The following KIAA0586 variants were observed in gnomAD, a reference collection of about 807,000 sequenced individuals.
The protein encoded by KIAA0586 is protein TALPID3.
A neutral mutation model predicts 169.8 loss-of-function variants in KIAA0586; 144 were observed. The ratio of observed to expected loss-of-function variants is 0.85; its 90% confidence interval spans 0.74 to 0.97. KIAA0586 has a LOEUF of 0.97. Ranked by LOEUF, KIAA0586 falls within the 50% of genes least tolerant of loss-of-function variation. KIAA0586 has a pLI of 0.00. For synonymous variants in KIAA0586, 625 were observed against 612.4 expected (o/e 1.02, Z -0.30); for missense variants, 1,854 against 1,823.0 (o/e 1.02, Z -0.31).
chr14:58,483,648 G>C (rs1207502542), intron 21 of KIAA0586, among the ~76,000 whole-genome samples: 4 of 152,002 alleles, frequency 2.6e-5, no homozygotes, highest in African/African-American at 9.7e-5. Flanking sequence ...ATCTTTAAAA[G>C]AAAATACATT....
In KIAA0586 at chr14:58,453,227, A is replaced by G. The variant is rs542751999; in HGVS notation, c.1130-123A>G. The G allele has an allele frequency of 3.1e-5, 16 of 516,238 alleles. No homozygotes were observed. In the South Asian group the frequency reaches 4.1e-4, roughly 13 times the overall value. The allele number at this position is 516,238 out of a possible 1,614,324, so 32.0% of individuals were successfully genotyped here. A position where few individuals can be genotyped will look rare whatever the true frequency, so the allele number is the denominator to read the frequency against. On this transcript the variant is annotated intron_variant, in intron 8 of 30. Transcript: ENST00000652326. ...AGCCACTGCGCCTGGCTTTTAGGCT[A>G]TAAATTGAGTAGATAATCATCATAA...
chr14:58,427,809 G>T lies in KIAA0586; in HGVS notation c.-456G>T. On this transcript the variant is annotated 5_prime_UTR_variant, in exon 1 of 31. Transcript: ENST00000652326. The stretch of plus-strand genomic sequence containing the variant: ...TTTATGTTTCCGACGATTGCATCTG[G>T]AGGGGTGTGTAAGACTCTGTGGCTG... 6.7e-7 allele frequency: 1 copy of T among 1,500,482 alleles called. No homozygotes were observed. Among genetic ancestry groups the T allele is most frequent in the Non-Finnish European group, 8.9e-7 (1 of 1,129,340 alleles). 92.9% of individuals were successfully genotyped at this position (1,500,482 alleles called of 1,614,324 possible).
chr14:58,543,813 CCCGT>C, intron 30 of KIAA0586: 1 of 429,208 alleles, frequency 2.3e-6, no homozygotes, highest in East Asian at 7.1e-5. Flanking sequence ...AGATCCGTCT[CCCGT>C]CTCTCTATTT....
chr14:58,499,703 C>A (rs954321585), intron 27 of KIAA0586, among the ~76,000 whole-genome samples: 1 of 151,960 alleles, frequency 6.6e-6, no homozygotes, highest in South Asian at 2.1e-4. Flanking sequence ...GGATTACAGG[C>A]GCCTGCCACC....
intron 6 of KIAA0586, among the ~76,000 whole-genome samples, chr14:58,445,783 C>CTTTTT (rs34119416): frequency 1.6e-5 from 2 of 124,774 alleles, no homozygotes; most frequent in Non-Finnish European, 3.2e-5. Context: ...TCAGTAAACT[C>CTTTTT]TTTTTTTTTT....
intron 29 of KIAA0586, among the ~76,000 whole-genome samples, chr14:58,527,402 G>A (rs1352708815): frequency 1.3e-5 from 2 of 152,094 alleles, no homozygotes; most frequent in Admixed American, 6.5e-5. Context: ...ACACATAATC[G>A]TCAGATTCAA....
At chr14:58,477,536 T>A (rs2041733170) in intron 20 of KIAA0586, among the ~76,000 whole-genome samples, 1 of 152,198 alleles carries the variant, frequency 6.6e-6, no homozygotes, top group Non-Finnish European at 1.5e-5. Flanking sequence ...ATATTAAGGT[T>A]GGTTTCCATA....
At chr14:58,518,695 A>G (rs978147387) in intron 29 of KIAA0586, among the ~76,000 whole-genome samples, 4 of 152,182 alleles carry the variant, frequency 2.6e-5, no homozygotes, top group African/African-American at 4.8e-5. Context: ...CCCCACTTCT[A>G]TATGCCTACA....
rs1166770480 is a variant in KIAA0586, at chr14:58,457,837, A to G, written c.1441A>G (p.Arg481Gly). ...SVKLQTTNTT[R>G]SVLKDAEKIL... ...TAAGCTTCAAACAACCAATACAACAAGATCTGTATTGAAAGATGCTGAGAA... is the reference window on the plus strand; with the variant it reads ...TAAGCTTCAAACAACCAATACAACAGGATCTGTATTGAAAGATGCTGAGAA... The change falls in exon 11 of 31, where the codon AGA (arginine) becomes GGA (glycine). Residue 481 changes from arginine to glycine, a missense_variant. Physicochemically the swap from Arg to Gly is moderately radical, Grantham distance 125 (BLOSUM62 -2). Transcript: ENST00000652326. 1.2e-6 allele frequency: 2 copies of G among 1,608,184 alleles called. No homozygotes were observed. The highest frequency in any genetic ancestry group is 1.7e-6 in the Non-Finnish European group (2 of 1,176,672).
chr14:58,535,709 T>G (rs1406418909), intron 29 of KIAA0586, among the ~76,000 whole-genome samples: 1 of 151,918 alleles, frequency 6.6e-6, no homozygotes, highest in Non-Finnish European at 1.5e-5. Flanking sequence ...ATTTTTTTTT[T>G]TTTTTTTAGT....
intron 27 of KIAA0586, among the ~76,000 whole-genome samples, chr14:58,502,720 A>G (rs2043660507): frequency 6.6e-6 from 1 of 152,174 alleles, no homozygotes; most frequent in Non-Finnish European, 1.5e-5. Flanking sequence ...GAAAAGTACT[A>G]TCTTATATGT....
chr14:58,524,329 A>G (rs908192185), intron 29 of KIAA0586, among the ~76,000 whole-genome samples: 5 of 152,368 alleles, frequency 3.3e-5, no homozygotes, highest in East Asian at 3.9e-4. Flanking sequence ...CTTATTATGC[A>G]TATAGGATGA....
At chr14:58,446,322 C>G (rs1408724741) in intron 6 of KIAA0586, among the ~76,000 whole-genome samples, 4 of 151,770 alleles carry the variant, frequency 2.6e-5, no homozygotes, top group Non-Finnish European at 5.9e-5. Context: ...ATGGTGAAAC[C>G]TCATCTCTAC....
chr14:58,436,083 T>C (rs2037800130), intron 4 of KIAA0586, among the ~76,000 whole-genome samples: 1 of 152,140 alleles, frequency 6.6e-6, no homozygotes, highest in South Asian at 2.1e-4. Context: ...AACAGTAAAA[T>C]TGGGAACAAG....
Position 58,444,035 on chromosome 14 carries a change from C to T in KIAA0586, c.667C>T (p.Arg223Cys), listed in dbSNP as rs573870218. 70 of 1,611,800 alleles carry T rather than the reference C, an allele frequency of 4.3e-5. No individual in the cohort carries two copies. In the East Asian group the frequency reaches 4.9e-4, roughly 11 times the overall value. ...KLQETDKHLQ[R>C]VTEQQTSIQR... Reference sequence around the variant, plus strand: ...ACAGGAGACTGATAAACACCTGCAACGTGTTACAGAGCAGCAAACAAGCAT... The same window carrying T: ...ACAGGAGACTGATAAACACCTGCAATGTGTTACAGAGCAGCAAACAAGCAT... The change falls in exon 6 of 31, where the codon CGT becomes TGT. Residue 223 changes from arginine (R) to cysteine (C), a missense_variant. Coordinates refer to ENST00000652326, the MANE Select transcript of KIAA0586 (RefSeq NM_001329943.3).
At chr14:58,441,433 T>C in intron 4 of KIAA0586, 1 of 276,602 alleles carries the variant, frequency 3.6e-6, no homozygotes, top group Non-Finnish European at 7.8e-6. Flanking sequence ...ACTCCTGGCC[T>C]TAAGCTGTCT....
At chr14:58,488,957 A>T (rs1485829030) in intron 24 of KIAA0586, 83 bp downstream of exon 24, 1 of 1,408,332 alleles carries the variant, frequency 7.1e-7, no homozygotes, top group Admixed American at 2.1e-5. Context: ...AAGTGTTTTT[A>T]CTTAACTTTC....
chr14:58,541,417 C>T (rs1456106615), intron 30 of KIAA0586, among the ~76,000 whole-genome samples: 1 of 152,198 alleles, frequency 6.6e-6, no homozygotes, highest in East Asian at 1.9e-4. Flanking sequence ...CAAAGACTGT[C>T]AATTCCAAAG....
At chr14:58,463,473 G>C (rs1171635967) in intron 14 of KIAA0586, among the ~76,000 whole-genome samples, 1 of 152,150 alleles carries the variant, frequency 6.6e-6, no homozygotes, top group Non-Finnish European at 1.5e-5. Flanking sequence ...CAGAGAACAA[G>C]ATGAAAGAAT....
Sources: gnomAD v4.1 joint callset for allele counts (sites outside exome capture counted in the v4.1 genomes callset) on GRCh38, gnomAD v4.1.1 for gene constraint, MANE v1.5 for transcripts, NCBI Gene and HGNC (gene_info 2026-07-23, HGNC 2026-07-21) for gene names.